PLEKHA7: variants seen among roughly 807,000 people sequenced by gnomAD.
The protein encoded by PLEKHA7 is pleckstrin homology domain containing A7.
Under a neutral mutation model 170.0 loss-of-function variants are expected in PLEKHA7, and 104 were observed. That is an observed-to-expected ratio of 0.61 (90% CI 0.52 to 0.72). The LOEUF is 0.72. Ranked by LOEUF, PLEKHA7 falls within the 30% of genes least tolerant of loss-of-function variation. The pLI is 0.00. For missense variants in PLEKHA7, 1,615 were observed against 1,671.7 expected (o/e 0.97, Z 0.59); for synonymous variants, 648 against 660.8 (o/e 0.98, Z 0.30).
At chr11:16,844,089 G>A (rs1184577532) in intron 8 of PLEKHA7, among the ~76,000 whole-genome samples, 1 of 152,118 alleles carries the variant, frequency 6.6e-6, no homozygotes, top group Non-Finnish European at 1.5e-5. Flanking sequence ...AGCCATAGAG[G>A]GTTCTGGGAC....
chr11:16,823,524 A>T (rs1257080654), intron 10 of PLEKHA7, among the ~76,000 whole-genome samples: 1 of 152,186 alleles, frequency 6.6e-6, no homozygotes, highest in African/African-American at 2.4e-5. Context: ...CTGTACCCAC[A>T]TTCCCTATAG....
At chr11:16,896,950 C>T (rs978172083) in intron 3 of PLEKHA7, among the ~76,000 whole-genome samples, 4 of 152,104 alleles carry the variant, frequency 2.6e-5, no homozygotes, top group Admixed American at 2.6e-4. Context: ...CTTTTACTGC[C>T]TCATTGTGGT....
intron 3 of PLEKHA7, among the ~76,000 whole-genome samples, chr11:16,989,146 G>A (rs1863896595): frequency 6.6e-6 from 1 of 152,198 alleles, no homozygotes; most frequent in South Asian, 2.1e-4. Context: ...CATTAATGCA[G>A]CTTAAAATCA....
intron 10 of PLEKHA7, 40 bp downstream of exon 10, chr11:16,826,080 C>T (rs764701930): frequency 3.8e-6 from 6 of 1,576,098 alleles, no homozygotes; most frequent in African/African-American, 1.3e-5. Context: ...ACTACATTAT[C>T]GTGCTCGTTA....
chr11:16,778,738 C>T lies in PLEKHA7; in HGVS notation c.*260G>A, dbSNP rs1403780777. ...GAGGGGAACATTAGAAAATAGATTC[C>T]GATTCTAAAATACAGTGTATTTTAC... On this transcript the variant is annotated 3_prime_UTR_variant, in exon 27 of 27. Coordinates refer to ENST00000531066, the MANE Select transcript of PLEKHA7 (RefSeq NM_001329630.2). The T allele has an allele frequency of 3.5e-5, 19 of 541,420 alleles. No homozygotes were observed. The highest frequency in any genetic ancestry group is 9.3e-5 in the South Asian group (4 of 42,996). 33.5% of individuals were successfully genotyped at this position (541,420 alleles called of 1,614,324 possible). A position where few individuals can be genotyped will look rare whatever the true frequency, so the allele number is the denominator to read the frequency against.
chr11:16,813,332 C>A, intron 12 of PLEKHA7, 166 bp from the exon 13 acceptor site: 1 of 520,958 alleles, frequency 1.9e-6, no homozygotes, highest in Admixed American at 2.9e-5. Flanking sequence ...CTCGGTGCAG[C>A]TGAGAGCCGT....
At chr11:16,951,701 T>C (rs1565149086) in intron 3 of PLEKHA7, among the ~76,000 whole-genome samples, 1 of 152,220 alleles carries the variant, frequency 6.6e-6, no homozygotes, top group Admixed American at 6.5e-5. Flanking sequence ...GAGACATTTC[T>C]GGGTTAGTAA....
chr11:16,791,069 T>A lies in PLEKHA7; in HGVS notation c.2876A>T (p.Gln959Leu). 6.2e-7 allele frequency: 1 copy of A among 1,614,176 alleles called. No homozygotes were observed. The highest frequency in any genetic ancestry group is 8.5e-7 in the Non-Finnish European group (1 of 1,180,038). Reference sequence around the variant, plus strand: ...CCGGTCTCGCTTCCTCTCGTCTGACTGCCGCTTGAGGCCCCGCACAGATGT... The same window carrying A: ...CCGGTCTCGCTTCCTCTCGTCTGACAGCCGCTTGAGGCCCCGCACAGATGT... ...RHTSVRGLKR[Q>L]SDERKRDREL... The change falls in exon 20 of 27, where the codon CAG becomes CTG. Residue 959 changes from glutamine (Q) to leucine (L), a missense_variant. Gln to Leu is a moderately radical substitution (Grantham distance 113, BLOSUM62 -2). Transcript: ENST00000531066. This position sits in a 1 kb window ranked among gnomAD's most constrained non-coding sequence, Gnocchi z 4.5.
chr11:16,867,831 G>A (rs1469345880), intron 4 of PLEKHA7, among the ~76,000 whole-genome samples: 1 of 152,154 alleles, frequency 6.6e-6, no homozygotes, highest in East Asian at 1.9e-4. Context: ...ACACATGCAC[G>A]TGTACACACT....
At chr11:16,858,492 ATTTT>A (rs59399110) in intron 4 of PLEKHA7, among the ~76,000 whole-genome samples, 2 of 143,150 alleles carry the variant, frequency 1.4e-5, no homozygotes, top group African/African-American at 5.2e-5. Context: ...TCTTTAACAA[ATTTT>A]TTTTTTTTTT....
intron 9 of PLEKHA7, among the ~76,000 whole-genome samples, chr11:16,841,286 C>A (rs946278568): frequency 4.7e-4 from 71 of 152,108 alleles, no homozygotes; most frequent in African/African-American, 1.6e-3. Context: ...CTACCTGGTA[C>A]CCCAAGGTCT....
In PLEKHA7 at chr11:16,778,763, C is replaced by G. The variant is rs1469696290; in HGVS notation, c.*235G>C. 1.0e-5 allele frequency: 6 copies of G among 589,856 alleles called. No individual in the cohort carries two copies. Among genetic ancestry groups the G allele is most frequent in the Non-Finnish European group, 1.8e-5 (6 of 329,842 alleles). 36.5% of individuals were successfully genotyped at this position (589,856 alleles called of 1,614,324 possible). A position where few individuals can be genotyped will look rare whatever the true frequency, so the allele number is the denominator to read the frequency against. Reference sequence around the variant, plus strand: ...CGATTCTAAAATACAGTGTATTTTACAGTGTATATCAAAAGTGCCTTTGCC... The same window carrying G: ...CGATTCTAAAATACAGTGTATTTTAGAGTGTATATCAAAAGTGCCTTTGCC... On this transcript the variant is annotated 3_prime_UTR_variant, in exon 27 of 27. Transcript: ENST00000531066.
chr11:17,013,935 G>A (rs1865486727), intron 3 of PLEKHA7, 54 bp downstream of exon 3: 4 of 1,431,286 alleles, frequency 2.8e-6, no homozygotes, highest in Non-Finnish European at 3.6e-6. Context: ...CGGGAACGGG[G>A]AGGGACCCCC....
intron 3 of PLEKHA7, among the ~76,000 whole-genome samples, chr11:16,909,889 CCT>C (rs1312069958): frequency 6.6e-6 from 1 of 152,012 alleles, no homozygotes; most frequent in Non-Finnish European, 1.5e-5. Context: ...CCTTCGGAAA[CCT>C]CACCATAAAA....
chr11:16,966,286 ATGTATGTGTGTG>A (rs922220269), intron 3 of PLEKHA7, among the ~76,000 whole-genome samples: 18 of 111,058 alleles, frequency 1.6e-4, no homozygotes, highest in African/African-American at 5.6e-4. Flanking sequence ...ATGGTTGTGC[ATGTATGTGTGTG>A]TGTGTGTGTG....
chr11:16,822,345 T>G (rs1590226341), intron 10 of PLEKHA7, among the ~76,000 whole-genome samples: 1 of 151,818 alleles, frequency 6.6e-6, no homozygotes, highest in Admixed American at 6.6e-5. Context: ...CTGTTAAGCA[T>G]GGTAATTCAG....
intron 3 of PLEKHA7, among the ~76,000 whole-genome samples, chr11:16,901,993 G>A (rs538926475): frequency 4.6e-5 from 7 of 152,212 alleles, no homozygotes; most frequent in Non-Finnish European, 4.4e-5. Flanking sequence ...ACTCTCTAGC[G>A]ATCACCCCAG....
At chr11:16,885,464 G>A (rs1453018053) in intron 3 of PLEKHA7, among the ~76,000 whole-genome samples, 1 of 151,684 alleles carries the variant, frequency 6.6e-6, no homozygotes, top group Admixed American at 6.6e-5. Flanking sequence ...TTTGAGACTA[G>A]CCTGGCCAAA....
At chr11:16,919,071 G>A (rs1006193368) in intron 3 of PLEKHA7, among the ~76,000 whole-genome samples, 11 of 152,222 alleles carry the variant, frequency 7.2e-5, no homozygotes, top group African/African-American at 2.6e-4. Context: ...AAAATTAGCT[G>A]GGCTTGGTGG....
Sources: allele counts gnomAD v4.1 joint callset (sites outside exome capture counted in the v4.1 genomes callset), GRCh38; gene constraint gnomAD v4.1.1; non-coding constraint Gnocchi (gnomAD v3.1); transcripts MANE v1.5; gene names NCBI Gene and HGNC (gene_info 2026-07-23, HGNC 2026-07-21).